The following FRMD4B variants were observed in gnomAD, a reference collection of about 807,000 sequenced individuals.
The protein encoded by FRMD4B is FERM domain-containing protein 4B.
FRMD4B carries 74 observed loss-of-function variants against 141.5 expected under a neutral mutation model. The ratio of observed to expected loss-of-function variants is 0.52; its 90% CI spans 0.43 to 0.63. The LOEUF (loss-of-function observed/expected upper bound fraction) is 0.63, where lower values mean the gene tolerates loss of function less well. Among genes scored for constraint, FRMD4B ranks in the 30% least tolerant of loss-of-function variants. The pLI is 0.00. For synonymous variants in FRMD4B, 506 were observed against 467.9 expected (o/e 1.08, Z -1.05); for missense variants, 1,366 against 1,253.4 (o/e 1.09, Z -1.36).
chr3:69,198,517 C>A (rs4624565), intron 12 of FRMD4B, 181 bp downstream of exon 12: 2 of 580,956 alleles, frequency 3.4e-6, no homozygotes, highest in South Asian at 4.5e-5. Flanking sequence ...CTTTGAAAAG[C>A]AGCCTTGCCA....
chr3:69,243,334 A>G (rs1440770089), intron 7 of FRMD4B, among the ~76,000 whole-genome samples: 2 of 152,248 alleles, frequency 1.3e-5, no homozygotes, highest in East Asian at 1.9e-4. Flanking sequence ...AAGGTATTCT[A>G]GGAAGAAGAG....
At chr3:69,477,149 A>C (rs914857918) in intron 1 of FRMD4B, among the ~76,000 whole-genome samples, 20 of 152,190 alleles carry the variant, frequency 1.3e-4, no homozygotes, top group African/African-American at 4.6e-4. Context: ...GTCATCTGCA[A>C]ACAGGGACAA....
At chr3:69,348,473 A>C (rs1259173205) in intron 1 of FRMD4B, among the ~76,000 whole-genome samples, 3 of 152,244 alleles carry the variant, frequency 2.0e-5, no homozygotes, top group Non-Finnish European at 2.9e-5. Flanking sequence ...AATCCTCCCT[A>C]ACTCATTTTA....
At chr3:69,475,979 TG>T (rs1327712072) in intron 1 of FRMD4B, among the ~76,000 whole-genome samples, 7 of 151,770 alleles carry the variant, frequency 4.6e-5, no homozygotes, top group Non-Finnish European at 7.4e-5. Context: ...TTTTTTCATA[TG>T]TTTTTTTGGC....
At chr3:69,284,543 A>T (rs1357431747) in intron 5 of FRMD4B, among the ~76,000 whole-genome samples, 1 of 152,204 alleles carries the variant, frequency 6.6e-6, no homozygotes, top group Non-Finnish European at 1.5e-5. Context: ...CCTGAAAAAA[A>T]CCAAACCATA....
chr3:69,230,652 G>A (rs971201186), intron 7 of FRMD4B, among the ~76,000 whole-genome samples: 5 of 151,910 alleles, frequency 3.3e-5, no homozygotes, highest in African/African-American at 1.2e-4. Context: ...GGAGGCTGAG[G>A]CAGAAGAATC....
intron 5 of FRMD4B, among the ~76,000 whole-genome samples, chr3:69,257,973 C>A (rs372577499): frequency 3.3e-5 from 5 of 152,090 alleles, no homozygotes; most frequent in Non-Finnish European, 7.4e-5. Context: ...ACTACAGGTG[C>A]GTGCCACCAC....
chr3:69,349,315 AAT>A (rs1168786630), intron 1 of FRMD4B, among the ~76,000 whole-genome samples: 6 of 152,242 alleles, frequency 3.9e-5, no homozygotes, highest in Non-Finnish European at 5.9e-5. Context: ...TGCTCAATGA[AAT>A]AAAAGAGGAC....
chr3:69,194,844 A>G (rs2092881605), intron 16 of FRMD4B, among the ~76,000 whole-genome samples, 178 bp downstream of exon 16: 1 of 152,234 alleles, frequency 6.6e-6, no homozygotes, highest in South Asian at 2.1e-4. Flanking sequence ...AGTGAGAAGT[A>G]ACTCAATTTT....
intron 1 of FRMD4B, among the ~76,000 whole-genome samples, chr3:69,321,390 T>C (rs1418719588): frequency 6.6e-6 from 1 of 152,204 alleles, no homozygotes; most frequent in African/African-American, 2.4e-5. Flanking sequence ...CTTATTCCTT[T>C]TGACCTTTTC....
chr3:69,272,508 T>G (rs1001227265), intron 5 of FRMD4B, among the ~76,000 whole-genome samples: 6 of 152,248 alleles, frequency 3.9e-5, no homozygotes, highest in African/African-American at 1.4e-4. Flanking sequence ...ATTCGATTTC[T>G]GTTACTAATC....
chr3:69,456,205 T>C (rs1264460077), intron 1 of FRMD4B, among the ~76,000 whole-genome samples: 1 of 151,812 alleles, frequency 6.6e-6, no homozygotes, highest in Non-Finnish European at 1.5e-5. Flanking sequence ...TATGACACTT[T>C]CATTTCACTT....
At chr3:69,349,357 A>T (rs1169415008) in intron 1 of FRMD4B, among the ~76,000 whole-genome samples, 3 of 152,250 alleles carry the variant, frequency 2.0e-5, no homozygotes, top group African/African-American at 7.2e-5. Context: ...TTCCATGCTC[A>T]TGGATAGGAA....
chr3:69,484,300 A>T (rs1343237100), intron 1 of FRMD4B, among the ~76,000 whole-genome samples: 3 of 152,178 alleles, frequency 2.0e-5, no homozygotes, highest in African/African-American at 7.2e-5. Context: ...TGGATGGGGA[A>T]GGTGGAGGCC....
Position 69,169,375 on chromosome 3 carries a change from T to TTTTTTTTTTTTTTTCC in FRMD4B, c.*2485_*2486insGGAAAAAAAAAAAAAA, listed in dbSNP as rs1553691449. 8.0e-6 allele frequency among the ~76,000 whole-genome samples: 1 copy of TTTTTTTTTTTTTTTCC among 124,610 alleles called. No individual in the cohort carries two copies. Among genetic ancestry groups the TTTTTTTTTTTTTTTCC allele is most frequent in the African/African-American group, 2.9e-5 (1 of 34,328 alleles). The allele number at this position is 124,610 out of a possible 152,430, so 81.7% of individuals were successfully genotyped here. On this transcript the variant is annotated 3_prime_UTR_variant, in exon 23 of 23. Transcript: ENST00000398540. ...TTTCTTTTTTTTTTTTTTTTTTTTT[T>TTTTTTTTTTTTTTTCC]CTTGAGACAAGGTCTGTTATTGCCT...
intron 11 of FRMD4B, among the ~76,000 whole-genome samples, chr3:69,204,931 C>A (rs2093008292): frequency 6.6e-6 from 1 of 151,864 alleles, no homozygotes; most frequent in Admixed American, 6.6e-5. Flanking sequence ...GGTCACACAG[C>A]GAAATAGGGG....
chr3:69,528,346 T>C (rs1485916891), intron 1 of FRMD4B, among the ~76,000 whole-genome samples: 1 of 151,254 alleles, frequency 6.6e-6, no homozygotes, highest in Non-Finnish European at 1.5e-5. Flanking sequence ...TCTTTTTCTT[T>C]CCTTTTCCTT....
chr3:69,513,481 A>G (rs1025784579), intron 1 of FRMD4B, among the ~76,000 whole-genome samples: 1 of 152,304 alleles, frequency 6.6e-6, no homozygotes, highest in African/African-American at 2.4e-5. Flanking sequence ...CATTTGAAAA[A>G]GAATAACACC....
At chr3:69,254,859 T>G (rs749668980) in intron 5 of FRMD4B, among the ~76,000 whole-genome samples, 1 of 152,092 alleles carries the variant, frequency 6.6e-6, no homozygotes, top group Non-Finnish European at 1.5e-5. Context: ...GGTGTGGCAT[T>G]CCTGTCAAAA....
Sources: allele counts gnomAD v4.1 joint callset (sites outside exome capture counted in the v4.1 genomes callset), GRCh38; gene constraint gnomAD v4.1.1; transcripts MANE v1.5; gene names NCBI Gene and HGNC (gene_info 2026-07-23, HGNC 2026-07-21).